Variants in PDE7B observed in about 807,000 individuals in gnomAD.
PDE7B encodes the protein phosphodiesterase 7B.
Under a neutral mutation model 56.2 loss-of-function variants are expected in PDE7B, and 29 were observed. That is an observed-to-expected ratio of 0.52 (90% CI 0.38 to 0.70). The LOEUF is 0.70. PDE7B is among the 30% of genes least tolerant of loss of function. The pLI is 0.00. For synonymous variants in PDE7B, 197 were observed against 196.9 expected, an observed-to-expected ratio of 1.00 and a Z score of 0.00; for missense variants, 490 against 565.0, an observed-to-expected ratio of 0.87 and a Z score of 1.35.
At chr6:136,057,580 CA>C (rs1362896126) in intron 2 of PDE7B, among the ~76,000 whole-genome samples, 1 of 152,160 alleles carries the variant, frequency 6.6e-6, no homozygotes, top group Non-Finnish European at 1.5e-5. Context: ...ATTTGGTTGT[CA>C]ACTAAATCCT....
chr6:136,132,755 G>T (rs1273769755), intron 3 of PDE7B, among the ~76,000 whole-genome samples: 2 of 152,216 alleles, frequency 1.3e-5, no homozygotes, highest in East Asian at 3.9e-4. Flanking sequence ...ACATGCAGGT[G>T]GACACTGCAG....
chr6:136,192,948 T>C lies in PDE7B; in HGVS notation c.*1108T>C, dbSNP rs2128453032. 1 of 152,406 alleles carries C rather than the reference T, an allele frequency of 6.6e-6. No homozygotes were observed. 9.4% of individuals were successfully genotyped at this position (152,406 alleles called of 1,614,324 possible). A position where few individuals can be genotyped will look rare whatever the true frequency, so the allele number is the denominator to read the frequency against. ...TGAATAAAGTCTTTGAGGAAACATT[T>C]TGGAAACTTCACATGCATTCCGCTT... On this transcript the variant is annotated 3_prime_UTR_variant, in exon 13 of 13. Transcript: ENST00000308191.
chr6:135,903,179 T>C (rs1776036104), intron 1 of PDE7B, among the ~76,000 whole-genome samples: 1 of 152,210 alleles, frequency 6.6e-6, no homozygotes, highest in East Asian at 1.9e-4. Flanking sequence ...GGAATTCAGA[T>C]TTTCTTTGCA....
chr6:135,876,662 G>A (rs986540457), intron 1 of PDE7B, among the ~76,000 whole-genome samples: 12 of 152,018 alleles, frequency 7.9e-5, no homozygotes, highest in African/African-American at 2.9e-4. Flanking sequence ...TTCAAGACCA[G>A]CCTGGCCAAC....
At chr6:135,905,288 T>C (rs1466151321) in intron 1 of PDE7B, among the ~76,000 whole-genome samples, 7 of 152,234 alleles carry the variant, frequency 4.6e-5, no homozygotes, top group African/African-American at 1.4e-4. Flanking sequence ...TAGTCCCGTT[T>C]TTTAGACTGA....
At chr6:135,902,513 G>A (rs1776022312) in intron 1 of PDE7B, among the ~76,000 whole-genome samples, 1 of 147,196 alleles carries the variant, frequency 6.8e-6, no homozygotes, top group African/African-American at 2.6e-5. Context: ...CAGAATATTT[G>A]AGATTTTGAG....
intron 2 of PDE7B, among the ~76,000 whole-genome samples, chr6:135,997,553 A>G (rs1454829043): frequency 6.6e-6 from 1 of 151,396 alleles, no homozygotes; most frequent in Non-Finnish European, 1.5e-5. Context: ...AATCTAAAAT[A>G]TTGGAAAAAG....
intron 2 of PDE7B, among the ~76,000 whole-genome samples, chr6:136,063,981 GT>G (rs144510008): frequency 6.0e-4 from 89 of 149,376 alleles, no homozygotes; most frequent in African/African-American, 1.9e-3. Flanking sequence ...TCTCATTAAA[GT>G]TTTTTTTTTA....
At chr6:135,875,934 CTG>C (rs536393195) in intron 1 of PDE7B, among the ~76,000 whole-genome samples, 1 of 152,060 alleles carries the variant, frequency 6.6e-6, no homozygotes, top group African/African-American at 2.4e-5. Flanking sequence ...GGTTTTCTCT[CTG>C]TGGTGGTTCA....
intron 1 of PDE7B, among the ~76,000 whole-genome samples, chr6:135,934,922 AAT>A (rs1169720249): frequency 2.9e-5 from 3 of 104,454 alleles, no homozygotes; most frequent in African/African-American, 1.2e-4. Context: ...TATTTATTTA[AAT>A]ATATATTTAA....
chr6:136,065,709 T>C (rs1776923034), intron 2 of PDE7B, among the ~76,000 whole-genome samples: 1 of 152,194 alleles, frequency 6.6e-6, no homozygotes, highest in Admixed American at 6.5e-5. Flanking sequence ...GAGTTCAGTG[T>C]CTCAGATTCT....
At chr6:135,935,190 T>TTTTATATATA (rs1436649469) in intron 1 of PDE7B, among the ~76,000 whole-genome samples, 6 of 36,188 alleles carry the variant, frequency 1.7e-4, no homozygotes, top group East Asian at 1.3e-3. Flanking sequence ...ATATATTTAT[T>TTTTATATATA]TATATATATA....
chr6:136,099,292 G>A (rs956142630), intron 2 of PDE7B, among the ~76,000 whole-genome samples: 2 of 152,192 alleles, frequency 1.3e-5, no homozygotes, highest in Non-Finnish European at 2.9e-5. Flanking sequence ...TATATACCCA[G>A]TAATGGGATT....
chr6:136,075,284 A>G (rs778188408), intron 2 of PDE7B, among the ~76,000 whole-genome samples: 2 of 152,176 alleles, frequency 1.3e-5, no homozygotes, highest in African/African-American at 2.4e-5. Context: ...CTCTAATACT[A>G]TATAAATTAT....
intron 2 of PDE7B, among the ~76,000 whole-genome samples, chr6:135,950,732 A>G (rs564020582): frequency 1.3e-5 from 2 of 152,284 alleles, no homozygotes; most frequent in South Asian, 4.2e-4. Flanking sequence ...GTCACTAGCC[A>G]GGGACTCCAT....
chr6:136,179,715 G>C (rs1174349041), intron 10 of PDE7B, among the ~76,000 whole-genome samples: 1 of 152,124 alleles, frequency 6.6e-6, no homozygotes, highest in Non-Finnish European at 1.5e-5. Flanking sequence ...TACAAAAATT[G>C]GAAAACAAGT....
intron 2 of PDE7B, among the ~76,000 whole-genome samples, chr6:135,977,434 A>C (rs574681663): frequency 5.9e-5 from 9 of 151,642 alleles, no homozygotes. Flanking sequence ...GGCCGAAAGC[A>C]GAAAACTACT....
In PDE7B at chr6:136,149,296, G is replaced by T. The variant is rs755260830; in HGVS notation, c.382+146G>T. ...AACCTACAGCTACTGAAGAAGGACC[G>T]GGGTAAGGGAAAATCAACTCAGATG... On this transcript the variant is annotated intron_variant, in intron 5 of 12. Coordinates refer to ENST00000308191, the MANE Select transcript of PDE7B (RefSeq NM_018945.4). 11 of 628,488 alleles carry T rather than the reference G, an allele frequency of 1.8e-5. No homozygotes were observed. In the South Asian group the frequency reaches 1.8e-4, roughly 10 times the overall value. The allele number at this position is 628,488 out of a possible 1,614,324, so 38.9% of individuals were successfully genotyped here.
intron 1 of PDE7B, among the ~76,000 whole-genome samples, chr6:135,877,069 T>A (rs537391638): frequency 7.0e-6 from 1 of 142,740 alleles, no homozygotes; most frequent in African/African-American, 3.1e-5. Flanking sequence ...ATACATTTGT[T>A]CTTTAAAAAA....
Sources: gnomAD v4.1 joint callset for allele counts (sites outside exome capture counted in the v4.1 genomes callset) on GRCh38, gnomAD v4.1.1 for gene constraint, MANE v1.5 for transcripts, NCBI Gene and HGNC (gene_info 2026-07-23, HGNC 2026-07-21) for gene names.